DOT1L: variants seen among roughly 807,000 people sequenced by gnomAD.
DOT1L encodes histone-lysine N-methyltransferase, H3 lysine-79 specific.
In DOT1L, 33 loss-of-function variants were observed where a neutral mutation model predicts 153.3. The observed-to-expected ratio is 0.22, with a 90% confidence interval of 0.16 to 0.29. The LOEUF (loss-of-function observed/expected upper bound fraction) is 0.29, where lower values mean the gene tolerates loss of function less well. Ranked by LOEUF, DOT1L falls within the 10% of genes least tolerant of loss-of-function variation. The pLI, the probability that DOT1L is intolerant of heterozygous loss-of-function variation, is 1.00. For missense variants in DOT1L, 1,847 were observed against 2,119.9 expected, an observed-to-expected ratio of 0.87 and a Z score of 2.53; for synonymous variants, 1,135 against 965.1, an observed-to-expected ratio of 1.18 and a Z score of -3.26.
At chr19:2,177,601 G>A (rs1474432877) in intron 1 of DOT1L, among the ~76,000 whole-genome samples, 2 of 152,088 alleles carry the variant, frequency 1.3e-5, no homozygotes, top group Admixed American at 1.3e-4. Flanking sequence ...CTGACCTCAT[G>A]ATCTGCGCCC....
Position 2,226,593 on chromosome 19 carries a change from G to A in DOT1L, c.4072G>A (p.Gly1358Ser), listed in dbSNP as rs376766280. Residue 1358 changes from glycine to serine, a missense_variant, in exon 27 of 28, where the codon GGC (glycine) becomes AGC (serine). By Grantham distance (56) the Gly-to-Ser change is moderately conservative (BLOSUM62 0). Transcript: ENST00000398665. ...SSPLSFPSQR[G>S]KEGSDANPFL... Reference sequence around the variant, plus strand: ...CCCGCTGAGCTTCCCCTCGCAGCGCGGCAAGGAGGGCTCGGACGCCAACCC... The same window carrying A: ...CCCGCTGAGCTTCCCCTCGCAGCGCAGCAAGGAGGGCTCGGACGCCAACCC... The A allele has an allele frequency of 1.5e-4, 239 of 1,598,866 alleles. No homozygotes were observed. Among genetic ancestry groups the A allele is most frequent in the Non-Finnish European group, 2.0e-4 (230 of 1,177,148 alleles).
intron 2 of DOT1L, among the ~76,000 whole-genome samples, chr19:2,184,520 G>T (rs1480889235): frequency 6.6e-6 from 1 of 152,122 alleles, no homozygotes. Flanking sequence ...GACTTAGCAG[G>T]TCAAGAGGAC....
chr19:2,188,494 C>CCTCCCG (rs1491479536), intron 3 of DOT1L, among the ~76,000 whole-genome samples: 1 of 117,632 alleles, frequency 8.5e-6, no homozygotes, highest in African/African-American at 3.9e-5. Context: ...CCCCCCCCCC[C>CCTCCCG]ACCCGCACAG....
At chr19:2,223,038 C>T (rs567840860) in intron 24 of DOT1L, among the ~76,000 whole-genome samples, 16 of 151,348 alleles carry the variant, frequency 1.1e-4, no homozygotes, top group South Asian at 4.2e-4. Flanking sequence ...TCTTCATTCT[C>T]GGCTGTGGGG....
intron 2 of DOT1L, among the ~76,000 whole-genome samples, chr19:2,181,202 C>T (rs1193860046): frequency 6.6e-6 from 1 of 152,226 alleles, no homozygotes; most frequent in East Asian, 1.9e-4. Context: ...AGCAACAGTG[C>T]AGGGAGGCCC....
chr19:2,223,273 G>GC lies in DOT1L; in HGVS notation c.3391-5dup. 1 of 1,613,196 alleles carries GC rather than the reference G, an allele frequency of 6.2e-7. No individual in the cohort carries two copies. Among genetic ancestry groups the GC allele is most frequent in the Non-Finnish European group, 8.5e-7 (1 of 1,179,874 alleles). Reference sequence around the variant, plus strand: ...GTATGTGCATCCATTGTGTCTGTCTGCCCTCAGGTCAGTAACATCAACCAG... The same window carrying GC: ...GTATGTGCATCCATTGTGTCTGTCTGCCCCTCAGGTCAGTAACATCAACCAG... On this transcript the variant is annotated splice_region_variant and splice_polypyrimidine_tract_variant and intron_variant, in intron 24 of 27. Transcript: ENST00000398665.
chr19:2,189,063 G>C (rs1435172072), intron 3 of DOT1L, among the ~76,000 whole-genome samples: 1 of 152,294 alleles, frequency 6.6e-6, no homozygotes, highest in Non-Finnish European at 1.5e-5. Context: ...GCTGCGGGGG[G>C]ACTGAGTCTC....
In DOT1L at chr19:2,216,616, C is replaced by G. The variant is rs755652173; in HGVS notation, c.2259C>G (p.Ser753Arg). ...LDQEVVPCTP[S>R]HVGRPRLEKL... ...AGGAGGTGGTGCCCTGTACCCCTAG[C>G]CACGTCGGCCGGCCGCGCCTGGAGA... The change falls in exon 20 of 28, where the codon AGC becomes AGG. Residue 753 changes from serine to arginine, a missense_variant. Around this residue, in one of 8 missense-constraint regions of DOT1L, gnomAD observed 281 missense variants for 263.6 expected, o/e 1.07. Coordinates refer to ENST00000398665, the MANE Select transcript of DOT1L (RefSeq NM_032482.3). The G allele has an allele frequency of 6.2e-7, 1 of 1,606,718 alleles. No homozygotes were observed. The highest frequency in any genetic ancestry group is 1.7e-5 in the Admixed American group (1 of 60,022).
chr19:2,169,864 AAC>A (rs2020061011), intron 1 of DOT1L, among the ~76,000 whole-genome samples: 1 of 152,362 alleles, frequency 6.6e-6, no homozygotes, highest in African/African-American at 2.4e-5. Flanking sequence ...AATTAAAAAA[AAC>A]ACACGGTTGC....
intron 2 of DOT1L, among the ~76,000 whole-genome samples, chr19:2,185,366 C>A (rs1207211484): frequency 6.6e-6 from 1 of 152,204 alleles, no homozygotes; most frequent in East Asian, 1.9e-4. Context: ...GTAACAGCTT[C>A]GTGGTAAACA....
chr19:2,228,129 C>T (rs774937223), intron 27 of DOT1L: 10 of 1,363,958 alleles, frequency 7.3e-6, no homozygotes, highest in Non-Finnish European at 7.8e-6. Context: ...CTCTCTGCCG[C>T]CTGCTAACGC....
chr19:2,208,069 C>T lies in DOT1L; in HGVS notation c.963+389C>T, dbSNP rs971749610. Among the ~76,000 whole-genome samples the T allele has an allele frequency of 9.2e-5, 14 of 152,112 alleles. No individual in the cohort carries two copies. The highest frequency in any genetic ancestry group is 3.9e-4 in the Admixed American group (6 of 15,276). On this transcript the variant is annotated intron_variant, in intron 11 of 27. Transcript: ENST00000398665. The surrounding 1 kb of genome is among the most constrained non-coding windows in gnomAD (Gnocchi z 4.4). ...TTCCTCCATGTGAGAGGGTCCTGAG[C>T]GGGGAGACACCAGGGTCCATGGGTG...
chr19:2,228,850 TGGCTGGCTGGATGCCTCTGGTCGG>T, intron 27 of DOT1L: 1 of 985,292 alleles, frequency 1.0e-6, no homozygotes, highest in African/African-American at 1.7e-5. Context: ...AGAGCCAGGG[TGGCTGGCTGGATGCCTCTGGTCGG>T]GGCTGTCTGG....
intron 3 of DOT1L, among the ~76,000 whole-genome samples, chr19:2,187,420 C>T (rs1387060211): frequency 6.6e-6 from 1 of 152,186 alleles, no homozygotes; most frequent in Non-Finnish European, 1.5e-5. Flanking sequence ...GCTGGAAGGA[C>T]ATCAGGGACA....
In DOT1L at chr19:2,199,917, A is replaced by G; in HGVS notation, c.685A>G (p.Arg229Gly). Reference protein sequence around the residue: ...ERGDFLSEEWRERIANTSVIF... With the variant: ...ERGDFLSEEWGERIANTSVIF... ...AGGCGATTTCCTCTCAGAAGAGTGG[A>G]GGGAGCGAATCGCCAACACGAGGTA... Residue 229 changes from arginine to glycine, a missense_variant, in exon 8 of 28, where the codon AGG (arginine) becomes GGG (glycine). Around this residue, in one of 8 missense-constraint regions of DOT1L, gnomAD observed 148 missense variants for 422.3 expected, o/e 0.35. Coordinates refer to ENST00000398665, the MANE Select transcript of DOT1L (RefSeq NM_032482.3). 4 of 1,613,938 alleles carry G rather than the reference A, an allele frequency of 2.5e-6. No individual in the cohort carries two copies. Among genetic ancestry groups the G allele is most frequent in the Non-Finnish European group, 3.4e-6 (4 of 1,179,880 alleles).
chr19:2,194,117 C>T (rs2022913829), intron 6 of DOT1L, among the ~76,000 whole-genome samples: 1 of 152,102 alleles, frequency 6.6e-6, no homozygotes, highest in Non-Finnish European at 1.5e-5. Flanking sequence ...GGGTGGCCTG[C>T]CCAGGCAGGC....
intron 7 of DOT1L, among the ~76,000 whole-genome samples, chr19:2,195,095 A>G (rs2022960547): frequency 6.6e-6 from 1 of 151,106 alleles, no homozygotes; most frequent in Admixed American, 6.6e-5. Flanking sequence ...CCCTCCCTGT[A>G]GGGTGTGCGC....
chr19:2,228,627 G>A (rs2024471065), intron 27 of DOT1L: 3 of 985,260 alleles, frequency 3.0e-6, no homozygotes, highest in Non-Finnish European at 3.6e-6. Flanking sequence ...GACGCCGCAG[G>A]ACTGAGGCCA....
At chr19:2,187,652 G>T (rs909470398) in intron 3 of DOT1L, among the ~76,000 whole-genome samples, 1 of 152,160 alleles carries the variant, frequency 6.6e-6, no homozygotes, top group African/African-American at 2.4e-5. Flanking sequence ...GCTGGGCACC[G>T]TGGCTCACAC....
Sources: allele counts gnomAD v4.1 joint callset (sites outside exome capture counted in the v4.1 genomes callset), GRCh38; gene constraint gnomAD v4.1.1; regional missense constraint gnomAD v4.1.1; non-coding constraint Gnocchi (gnomAD v3.1); transcripts MANE v1.5; gene names NCBI Gene and HGNC (gene_info 2026-07-23, HGNC 2026-07-21).